The following HS3ST5 variants were observed in gnomAD, a reference collection of about 807,000 sequenced individuals.
HS3ST5 encodes the protein heparan sulfate glucosamine 3-O-sulfotransferase 5.
A neutral mutation model predicts 25.4 loss-of-function variants in HS3ST5; 10 were observed. That is an observed-to-expected ratio of 0.39 (90% CI 0.24 to 0.67). The LOEUF is 0.67. Ranked by LOEUF, HS3ST5 falls within the 30% of genes least tolerant of loss-of-function variation. The pLI, the probability that HS3ST5 is intolerant of heterozygous loss-of-function variation, is 0.44. For missense variants in HS3ST5, 324 were observed against 420.7 expected, an observed-to-expected ratio of 0.77 and a Z score of 2.01; for synonymous variants, 170 against 162.4, an observed-to-expected ratio of 1.05 and a Z score of -0.36.
chr6:114,276,478 C>T (rs1467341762), intron 1 of HS3ST5, among the ~76,000 whole-genome samples: 1 of 151,626 alleles, frequency 6.6e-6, no homozygotes, highest in Non-Finnish European at 1.5e-5. Context: ...CATGCTTTTA[C>T]ACATAATAAG....
intron 3 of HS3ST5, among the ~76,000 whole-genome samples, chr6:114,112,165 T>C (rs1776300478): frequency 6.6e-6 from 1 of 152,206 alleles, no homozygotes; most frequent in South Asian, 2.1e-4. Flanking sequence ...TGTGTGAATA[T>C]GTCAGATTAT....
chr6:114,170,526 C>T (rs946391642), intron 2 of HS3ST5, among the ~76,000 whole-genome samples: 8 of 152,112 alleles, frequency 5.3e-5, no homozygotes, highest in African/African-American at 1.4e-4. Flanking sequence ...TGTAGAACTA[C>T]AGTACTGTCA....
chr6:114,154,477 G>C (rs1332105481), intron 3 of HS3ST5, among the ~76,000 whole-genome samples: 1 of 152,062 alleles, frequency 6.6e-6, no homozygotes, highest in African/African-American at 2.4e-5. Flanking sequence ...GGGCAACATA[G>C]CAAGACTCCA....
chr6:114,269,578 A>G (rs1243271280), intron 1 of HS3ST5, among the ~76,000 whole-genome samples: 1 of 152,184 alleles, frequency 6.6e-6, no homozygotes, highest in African/African-American at 2.4e-5. Flanking sequence ...GTTCCACCAT[A>G]TGGCATCATA....
chr6:114,073,127 T>G (rs887251306), intron 3 of HS3ST5, among the ~76,000 whole-genome samples: 4 of 152,168 alleles, frequency 2.6e-5, no homozygotes, highest in Non-Finnish European at 5.9e-5. Flanking sequence ...TCCTTACACC[T>G]TATACAAAAA....
chr6:114,210,088 T>C (rs1238719839), intron 2 of HS3ST5, among the ~76,000 whole-genome samples: 1 of 152,148 alleles, frequency 6.6e-6, no homozygotes, highest in Non-Finnish European at 1.5e-5. Context: ...AAATACTCTA[T>C]TGTAAATCAA....
chr6:114,066,817 T>A (rs1184201056), intron 3 of HS3ST5, among the ~76,000 whole-genome samples: 3 of 152,204 alleles, frequency 2.0e-5, no homozygotes, highest in African/African-American at 7.2e-5. Context: ...CATTTGGGTA[T>A]GCTCCCCTTG....
chr6:114,322,851 G>T (rs1472894911), intron 1 of HS3ST5, among the ~76,000 whole-genome samples: 1 of 152,110 alleles, frequency 6.6e-6, no homozygotes, highest in African/African-American at 2.4e-5. Flanking sequence ...TCCACCCGGG[G>T]GTAGGAAAAT....
At chr6:114,222,344 T>C (rs1782083514) in intron 2 of HS3ST5, among the ~76,000 whole-genome samples, 1 of 151,916 alleles carries the variant, frequency 6.6e-6, no homozygotes, top group Non-Finnish European at 1.5e-5. Context: ...CATTCAATGA[T>C]GTATCTCAAG....
At chr6:114,311,539 C>CTTTTTTTTTTT (rs11463610) in intron 1 of HS3ST5, among the ~76,000 whole-genome samples, 4 of 84,880 alleles carry the variant, frequency 4.7e-5, no homozygotes, top group African/African-American at 1.4e-4. Flanking sequence ...TTCTCTCTCT[C>CTTTTTTTTTTT]TTTTTTTTTT....
At chr6:114,288,892 T>C (rs1308055080) in intron 1 of HS3ST5, among the ~76,000 whole-genome samples, 1 of 152,074 alleles carries the variant, frequency 6.6e-6, no homozygotes, top group Non-Finnish European at 1.5e-5. Flanking sequence ...TAAGTACTCA[T>C]CTCTGCTTCC....
chr6:114,331,986 T>C (rs1299707041), intron 1 of HS3ST5, among the ~76,000 whole-genome samples: 1 of 151,956 alleles, frequency 6.6e-6, no homozygotes, highest in Non-Finnish European at 1.5e-5. Context: ...AATATGATTA[T>C]TAGATATAAT....
Position 114,267,100 on chromosome 6 carries a change from A to G in HS3ST5, c.-338-38322T>C, listed in dbSNP as rs76580561. Among the ~76,000 whole-genome samples, 74 of 152,338 alleles carry G rather than the reference A, an allele frequency of 4.9e-4. 1 individual carries two copies. The East Asian group carries it at 0.013, about 28-fold the overall frequency. ...ATCTCAGAAATGGCAATCGTGACACAAAACACATTGGACTATCAGGAGGTA... is the reference window on the plus strand; with the variant it reads ...ATCTCAGAAATGGCAATCGTGACACGAAACACATTGGACTATCAGGAGGTA... On this transcript the variant is annotated intron_variant, in intron 1 of 4. Coordinates refer to ENST00000312719, the MANE Select transcript of HS3ST5 (RefSeq NM_153612.4).
At chr6:114,064,830 T>C (rs1773353672) in intron 3 of HS3ST5, among the ~76,000 whole-genome samples, 1 of 152,052 alleles carries the variant, frequency 6.6e-6, no homozygotes, top group African/African-American at 2.4e-5. Context: ...CCTGAAGAAG[T>C]AACACTTGGG....
chr6:114,163,662 A>T (rs1283478626), intron 3 of HS3ST5, among the ~76,000 whole-genome samples: 1 of 151,966 alleles, frequency 6.6e-6, no homozygotes, highest in Non-Finnish European at 1.5e-5. Context: ...AGATGAATGA[A>T]CTCTTTTGAG....
At chr6:114,076,608 C>T (rs1445054403) in intron 3 of HS3ST5, among the ~76,000 whole-genome samples, 1 of 152,180 alleles carries the variant, frequency 6.6e-6, no homozygotes, top group Non-Finnish European at 1.5e-5. Context: ...TCAATTTGCT[C>T]TGTTGTCAGG....
chr6:114,158,210 A>G (rs1384808228), intron 3 of HS3ST5, among the ~76,000 whole-genome samples: 1 of 152,206 alleles, frequency 6.6e-6, no homozygotes, highest in African/African-American at 2.4e-5. Context: ...TGTGTCTTAC[A>G]TAGTGCATAG....
intron 3 of HS3ST5, among the ~76,000 whole-genome samples, chr6:114,144,198 C>T (rs1018445825): frequency 6.6e-6 from 1 of 152,130 alleles, no homozygotes; most frequent in African/African-American, 2.4e-5. Context: ...AGCTGCTTTC[C>T]TGTGTTTTTA....
intron 1 of HS3ST5, among the ~76,000 whole-genome samples, chr6:114,244,445 A>G (rs147233062): frequency 6.6e-6 from 1 of 152,342 alleles, no homozygotes; most frequent in Non-Finnish European, 1.5e-5. Context: ...CATTTATACC[A>G]TGGAGAAAAT....
Sources: gnomAD v4.1 joint callset for allele counts (sites outside exome capture counted in the v4.1 genomes callset) on GRCh38, gnomAD v4.1.1 for gene constraint, MANE v1.5 for transcripts, NCBI Gene and HGNC (gene_info 2026-07-23, HGNC 2026-07-21) for gene names.